The following UBE2O variants were observed in gnomAD, a reference collection of about 807,000 sequenced individuals.
The protein encoded by UBE2O is ubiquitin conjugating enzyme E2 O.
A neutral mutation model predicts 125.8 loss-of-function variants in UBE2O; 15 were observed. The ratio of observed to expected loss-of-function variants is 0.12; its 90% CI spans 0.08 to 0.18. The LOEUF is 0.18. Among genes scored for constraint, UBE2O ranks in the 10% least tolerant of loss-of-function variants. UBE2O has a pLI of 1.00. For missense variants in UBE2O, 1,280 were observed against 1,723.6 expected, an observed-to-expected ratio of 0.74 and a Z score of 4.56; for synonymous variants, 708 against 703.2, an observed-to-expected ratio of 1.01 and a Z score of -0.11.
rs752608177 is a variant in UBE2O at position 76,401,059 on chromosome 17, G to C, written c.846C>G (p.Val282=). ...IFSSVQWLSG[V]KPVLSTKSKF... Reference sequence around the variant, plus strand: ...TGCTCTTGGTGCTGAGCACGGGCTTGACACCTGACAGCCACTGGACGCTGG... The same window carrying C: ...TGCTCTTGGTGCTGAGCACGGGCTTCACACCTGACAGCCACTGGACGCTGG... The change falls in exon 6 of 18, where the codon GTC becomes GTG. Residue 282 remains valine, a synonymous_variant. Transcript: ENST00000319380. 31 of 1,613,736 alleles carry C rather than the reference G, an allele frequency of 1.9e-5. No homozygotes were observed. The highest frequency in any genetic ancestry group is 2.4e-5 in the Non-Finnish European group (28 of 1,180,038).
intron 1 of UBE2O, among the ~76,000 whole-genome samples, chr17:76,451,514 G>A (rs959262831): frequency 6.6e-6 from 1 of 152,126 alleles, no homozygotes; most frequent in East Asian, 1.9e-4. Flanking sequence ...TGGATCATGT[G>A]CTCTTCTCTG....
At chr17:76,427,563 C>G (rs1167692166) in intron 1 of UBE2O, among the ~76,000 whole-genome samples, 1 of 152,078 alleles carries the variant, frequency 6.6e-6, no homozygotes, top group Non-Finnish European at 1.5e-5. Context: ...CTGTGGGCAT[C>G]CTAGGATTCC....
chr17:76,426,409 C>T (rs1474004196), intron 1 of UBE2O, among the ~76,000 whole-genome samples: 1 of 152,190 alleles, frequency 6.6e-6, no homozygotes, highest in Non-Finnish European at 1.5e-5. Flanking sequence ...CCTGTCTTAA[C>T]TGGCACATAT....
At chr17:76,424,924 G>A (rs1370104826) in intron 1 of UBE2O, among the ~76,000 whole-genome samples, 3 of 148,376 alleles carry the variant, frequency 2.0e-5, no homozygotes, top group African/African-American at 7.5e-5. Flanking sequence ...AGGCTGGAGT[G>A]CAGTGGCGCG....
chr17:76,444,949 A>G (rs968362395), intron 1 of UBE2O, among the ~76,000 whole-genome samples: 1 of 152,118 alleles, frequency 6.6e-6, no homozygotes, highest in Non-Finnish European at 1.5e-5. Context: ...AGCGGTGACC[A>G]CACACACAGT....
intron 1 of UBE2O, among the ~76,000 whole-genome samples, chr17:76,435,522 C>G (rs1193385504): frequency 6.6e-6 from 1 of 152,078 alleles, no homozygotes; most frequent in Non-Finnish European, 1.5e-5. Flanking sequence ...ATATTCCCCC[C>G]GTTTACTGCA....
At chr17:76,412,244 C>A (rs2072528554) in intron 1 of UBE2O, among the ~76,000 whole-genome samples, 1 of 152,184 alleles carries the variant, frequency 6.6e-6, no homozygotes, top group Non-Finnish European at 1.5e-5. Context: ...CAGCCACACA[C>A]AGGACTGAAG....
chr17:76,444,764 T>C (rs774934424), intron 1 of UBE2O, among the ~76,000 whole-genome samples: 2 of 152,230 alleles, frequency 1.3e-5, no homozygotes, highest in Non-Finnish European at 2.9e-5. Flanking sequence ...AGAAATGCTT[T>C]CTTCCTTGGC....
At position 76,452,411 on chromosome 17, in the gene UBE2O, TG is replaced by T. The variant is rs1196960868; in HGVS notation, c.417+313del. ...GTAACGCCGAACGCGCCCCAGAACC[TG>T]AGTCCCCACGGGAGTCGGTCCACGT... On this transcript the variant is annotated intron_variant, in intron 1 of 17. Transcript: ENST00000319380. This position sits in a 1 kb window ranked among gnomAD's most constrained non-coding sequence, Gnocchi z 4.4. Among the ~76,000 whole-genome samples the T allele has an allele frequency of 1.3e-5, 2 of 152,192 alleles. No homozygotes were observed. Among genetic ancestry groups the T allele is most frequent in the East Asian group, 3.9e-4 (2 of 5,162 alleles).
chr17:76,437,159 A>G (rs2073009501), intron 1 of UBE2O, among the ~76,000 whole-genome samples: 1 of 150,642 alleles, frequency 6.6e-6, no homozygotes, highest in Non-Finnish European at 1.5e-5. Flanking sequence ...TAAAAAAAAA[A>G]AAAAAAGGTG....
rs116067292 is a variant in UBE2O, at chr17:76,430,244, A to C, written c.417+22481T>G. 3.7e-3 allele frequency among the ~76,000 whole-genome samples: 561 copies of C among 152,270 alleles called. 5 individuals are homozygous for C. The highest frequency in any genetic ancestry group is 0.013 in the African/African-American group (531 of 41,550). The stretch of plus-strand genomic sequence containing the variant: ...TCCTTGTGGGTTTATACATCTAAAA[A>C]CAATTATTTTGCTGTTATTTTAGCA... On this transcript the variant is annotated intron_variant, in intron 1 of 17. Transcript: ENST00000319380.
chr17:76,417,684 C>T (rs771181874), intron 1 of UBE2O, among the ~76,000 whole-genome samples: 9 of 145,312 alleles, frequency 6.2e-5, no homozygotes, highest in Middle Eastern at 3.5e-3. Flanking sequence ...CAGAGAGCAC[C>T]ACGAAGGGCC....
chr17:76,447,909 C>T (rs2073176413), intron 1 of UBE2O, among the ~76,000 whole-genome samples: 1 of 152,194 alleles, frequency 6.6e-6, no homozygotes, highest in Non-Finnish European at 1.5e-5. Flanking sequence ...CTGCTAATAA[C>T]CAAGTGGCCA....
rs1196367327 is a variant in UBE2O, at chr17:76,404,560, A to G, written c.588+646T>C. On this transcript the variant is annotated intron_variant, in intron 3 of 17. Coordinates refer to ENST00000319380, the MANE Select transcript of UBE2O (RefSeq NM_022066.4). The surrounding 1 kb of genome is among the most constrained non-coding windows in gnomAD (Gnocchi z 4.3). ...TGGGTCCTGGATCCGCAAAGAAGAA[A>G]AGAGTAGTGTTGGGACAACTGCATG... Among the ~76,000 whole-genome samples, 1 of 152,220 alleles carries G rather than the reference A, an allele frequency of 6.6e-6. No individual in the cohort carries two copies. The highest frequency in any genetic ancestry group is 1.5e-5 in the Non-Finnish European group (1 of 68,038).
At chr17:76,432,477 C>CT (rs1326964475) in intron 1 of UBE2O, among the ~76,000 whole-genome samples, 5 of 152,206 alleles carry the variant, frequency 3.3e-5, no homozygotes, top group African/African-American at 1.2e-4. Flanking sequence ...TTAGCAACCC[C>CT]TTTCTCATCC....
chr17:76,443,576 A>C (rs2073108807), intron 1 of UBE2O, among the ~76,000 whole-genome samples: 1 of 148,424 alleles, frequency 6.7e-6, no homozygotes, highest in Non-Finnish European at 1.5e-5. Context: ...GGCGTGAGCC[A>C]CTGTGCCCAG....
chr17:76,409,693 A>C (rs1461401231), intron 1 of UBE2O, among the ~76,000 whole-genome samples: 1 of 152,188 alleles, frequency 6.6e-6, no homozygotes, highest in Admixed American at 6.6e-5. Context: ...CGCCCCTGGC[A>C]AACACACACC....
intron 1 of UBE2O, among the ~76,000 whole-genome samples, chr17:76,431,711 C>G (rs143482331): frequency 6.6e-6 from 1 of 151,972 alleles, no homozygotes; most frequent in African/African-American, 2.4e-5. Flanking sequence ...GGAAGCCCAG[C>G]GGGGGGGACT....
At chr17:76,392,300 C>G (rs61194660) in intron 15 of UBE2O, among the ~76,000 whole-genome samples, 187 bp from the exon 16 acceptor site, 6,244 of 152,166 alleles carry the variant, frequency 0.041, 430 homozygotes, top group African/African-American at 0.14. Flanking sequence ...CTCTGCAGAA[C>G]AGCCTGGAAT....
Sources: gnomAD v4.1 joint callset for allele counts (sites outside exome capture counted in the v4.1 genomes callset) on GRCh38, gnomAD v4.1.1 for gene constraint, Gnocchi (gnomAD v3.1) non-coding constraint, MANE v1.5 for transcripts, NCBI Gene and HGNC (gene_info 2026-07-23, HGNC 2026-07-21) for gene names.